GABBR2: variants seen among roughly 807,000 people sequenced by gnomAD.
The protein encoded by GABBR2 is gamma-aminobutyric acid type B receptor subunit 2.
Under a neutral mutation model 105.6 loss-of-function variants are expected in GABBR2, and 23 were observed. The ratio of observed to expected loss-of-function variants is 0.22; its 90% CI spans 0.16 to 0.31. GABBR2 has a LOEUF of 0.31. Among genes scored for constraint, GABBR2 ranks in the 10% least tolerant of loss-of-function variants. The pLI, the probability that GABBR2 is intolerant of heterozygous loss-of-function variation, is 1.00. For missense variants in GABBR2, 734 were observed against 1,245.5 expected, an observed-to-expected ratio of 0.59 and a Z score of 6.18; for synonymous variants, 478 against 499.7, an observed-to-expected ratio of 0.96 and a Z score of 0.58.
chr9:98,685,640 C>A (rs1033969567), intron 1 of GABBR2, among the ~76,000 whole-genome samples: 1 of 152,216 alleles, frequency 6.6e-6, no homozygotes, highest in Non-Finnish European at 1.5e-5. Context: ...ATTCTTGGAT[C>A]TCTTCGTCCC....
In GABBR2 at chr9:98,708,771, G is replaced by T. The variant is rs1489482305; in HGVS notation, c.-34C>A. 1.0e-6 allele frequency: 1 copy of T among 976,738 alleles called. No individual in the cohort carries two copies. The highest frequency in any genetic ancestry group is 1.2e-6 in the Non-Finnish European group (1 of 824,452). The allele number at this position is 976,738 out of a possible 1,614,324, so 60.5% of individuals were successfully genotyped here. On this transcript the variant is annotated 5_prime_UTR_variant, in exon 1 of 19. Transcript: ENST00000259455. ...GCGGGCTGCGGGCGCCGGCTCACTC[G>T]GCCCGCATGGCCTGGCCCGGCCCGC... is the stretch of plus-strand genomic sequence containing the variant.
At chr9:98,460,369 C>G (rs1046035122) in intron 6 of GABBR2, among the ~76,000 whole-genome samples, 1 of 151,938 alleles carries the variant, frequency 6.6e-6, no homozygotes, top group Non-Finnish European at 1.5e-5. Context: ...GAGCAAGACT[C>G]TATCTCTAAA....
chr9:98,541,932 T>C lies in GABBR2; in HGVS notation c.571A>G (p.Lys191Glu). The change falls in exon 3 of 19, where the codon AAG becomes GAG. Residue 191 changes from lysine to glutamate, a missense_variant. By Grantham distance (56) the Lys-to-Glu change is moderately conservative (BLOSUM62 1). Coordinates refer to ENST00000259455, the MANE Select transcript of GABBR2 (RefSeq NM_005458.8). ...AVNPAILKLL[K>E]HYQWKRVGTL... ...CCCACGCGCTTCCACTGGTAGTGCT[T>C]GAGCAACTTCAGAATGGCTGGATTC... 6.2e-7 allele frequency: 1 copy of C among 1,614,236 alleles called. No individual in the cohort carries two copies. Among genetic ancestry groups the C allele is most frequent in the Non-Finnish European group, 8.5e-7 (1 of 1,180,010 alleles).
At chr9:98,444,177 A>T (rs1411971720) in intron 7 of GABBR2, among the ~76,000 whole-genome samples, 2 of 152,248 alleles carry the variant, frequency 1.3e-5, no homozygotes. Flanking sequence ...GGCACCTACT[A>T]TGTCCCAGGC....
chr9:98,508,836 C>G (rs996666767), intron 3 of GABBR2, among the ~76,000 whole-genome samples: 1 of 152,120 alleles, frequency 6.6e-6, no homozygotes, highest in African/African-American at 2.4e-5. Context: ...GGCTCCACCT[C>G]TGGGGGCAGG....
At chr9:98,606,464 T>A (rs1292871362) in intron 1 of GABBR2, among the ~76,000 whole-genome samples, 3 of 148,572 alleles carry the variant, frequency 2.0e-5, no homozygotes, top group African/African-American at 7.4e-5. Flanking sequence ...CACTGTGGTG[T>A]CTATTATCTT....
chr9:98,641,432 G>A (rs1001147279), intron 1 of GABBR2, among the ~76,000 whole-genome samples: 8 of 151,686 alleles, frequency 5.3e-5, no homozygotes, highest in East Asian at 1.9e-4. Context: ...GCCACCACAC[G>A]TCCAGCCAAA....
At chr9:98,626,440 A>G (rs1280365269) in intron 1 of GABBR2, among the ~76,000 whole-genome samples, 2 of 152,334 alleles carry the variant, frequency 1.3e-5, no homozygotes, top group East Asian at 1.9e-4. Context: ...TATTTTTTTA[A>G]AAAGGATAAG....
At chr9:98,438,172 T>C (rs1011880866) in intron 7 of GABBR2, among the ~76,000 whole-genome samples, 8 of 143,828 alleles carry the variant, frequency 5.6e-5, no homozygotes, top group East Asian at 2.0e-4. Context: ...TCCATCTACC[T>C]ATCCATCCAT....
chr9:98,324,493 GACAC>G (rs3983548), intron 13 of GABBR2, among the ~76,000 whole-genome samples: 30,401 of 142,704 alleles, frequency 0.21, 3,445 homozygotes, highest in Non-Finnish European at 0.25. Context: ...CTACAGAGCC[GACAC>G]ACACACACAC....
At chr9:98,363,123 C>G (rs56008459) in intron 12 of GABBR2, among the ~76,000 whole-genome samples, 1 of 152,122 alleles carries the variant, frequency 6.6e-6, no homozygotes, top group Non-Finnish European at 1.5e-5. Flanking sequence ...CTCCAGGTCT[C>G]TGTAGGTGCT....
chr9:98,379,976 T>A (rs1330306684), intron 11 of GABBR2, among the ~76,000 whole-genome samples: 5 of 152,204 alleles, frequency 3.3e-5, no homozygotes, highest in Non-Finnish European at 7.3e-5. Context: ...TTGACTTTTT[T>A]TTTTTTTCTG....
intron 1 of GABBR2, among the ~76,000 whole-genome samples, chr9:98,645,671 G>A (rs1830020801): frequency 6.6e-6 from 1 of 152,202 alleles, no homozygotes; most frequent in Non-Finnish European, 1.5e-5. Context: ...CAGGGACAGT[G>A]TGGGCAGGAT....
intron 11 of GABBR2, among the ~76,000 whole-genome samples, chr9:98,383,322 C>G (rs1832012784): frequency 3.3e-5 from 5 of 152,178 alleles, no homozygotes; most frequent in Admixed American, 3.3e-4. Flanking sequence ...TCTTTGGAAG[C>G]TGACTGCAGG....
intron 6 of GABBR2, among the ~76,000 whole-genome samples, chr9:98,464,148 G>A (rs1240611108): frequency 2.0e-5 from 3 of 150,630 alleles, no homozygotes; most frequent in Non-Finnish European, 4.4e-5. Context: ...TGGGAGGTGA[G>A]GAGCGCCTCT....
intron 1 of GABBR2, among the ~76,000 whole-genome samples, chr9:98,626,064 C>T (rs2131825104): frequency 6.6e-6 from 1 of 152,342 alleles, no homozygotes; most frequent in South Asian, 2.1e-4. Context: ...AGAAGAAGCA[C>T]TGCAGCCGTG....
intron 4 of GABBR2, among the ~76,000 whole-genome samples, chr9:98,486,697 T>G (rs1335242842): frequency 6.6e-6 from 1 of 152,188 alleles, no homozygotes; most frequent in Non-Finnish European, 1.5e-5. Flanking sequence ...TATAAACCCC[T>G]AAGGCAGCTG....
chr9:98,569,052 AT>A (rs1290306140), intron 2 of GABBR2, among the ~76,000 whole-genome samples: 2 of 152,126 alleles, frequency 1.3e-5, no homozygotes, highest in Non-Finnish European at 2.9e-5. Flanking sequence ...CATCTCATAG[AT>A]TATTAATGTG....
At chr9:98,616,820 T>G (rs1354103176) in intron 1 of GABBR2, among the ~76,000 whole-genome samples, 2 of 152,162 alleles carry the variant, frequency 1.3e-5, no homozygotes, top group East Asian at 1.9e-4. Flanking sequence ...AGCTGGGTTT[T>G]GGATAGATGA....
Sources: allele counts gnomAD v4.1 joint callset (sites outside exome capture counted in the v4.1 genomes callset), GRCh38; gene constraint gnomAD v4.1.1; transcripts MANE v1.5; gene names NCBI Gene and HGNC (gene_info 2026-07-23, HGNC 2026-07-21).